ELP5: variants seen among roughly 807,000 people sequenced by gnomAD.
ELP5 encodes elongator acetyltransferase complex subunit 5.
A neutral mutation model predicts 33.4 loss-of-function variants in ELP5; 34 were observed. The ratio of observed to expected loss-of-function variants is 1.02; its 90% CI spans 0.78 to 1.36. The LOEUF (loss-of-function observed/expected upper bound fraction) is 1.36, where lower values mean the gene tolerates loss of function less well. ELP5 is among the 40% of genes most tolerant of loss of function. The pLI, the probability that ELP5 is intolerant of heterozygous loss-of-function variation, is 0.00. For synonymous variants in ELP5, 161 were observed against 146.4 expected (o/e 1.10, Z -0.72); for missense variants, 373 against 371.7 (o/e 1.00, Z -0.03).
chr17:7,258,475 G>A, intron 5 of ELP5, 113 bp from the exon 6 acceptor site: 1 of 992,892 alleles, frequency 1.0e-6, no homozygotes, highest in Non-Finnish European at 1.5e-6. Flanking sequence ...GTTGAGGGCA[G>A]GAGCTGAAAG....
chr17:7,256,714 G>C lies in ELP5; in HGVS notation c.410-143G>C, dbSNP rs1225466806. On this transcript the variant is annotated intron_variant, in intron 4 of 7. Transcript: ENST00000396628. Reference sequence around the variant, plus strand: ...AGGTGTGGGCTGGAGGAGGCTCAGAGCACGGTAGTGAGATTGGCCAAGGGA... The same window carrying C: ...AGGTGTGGGCTGGAGGAGGCTCAGACCACGGTAGTGAGATTGGCCAAGGGA... 3.8e-5 allele frequency: 28 copies of C among 738,880 alleles called. 1 individual carries two copies. The East Asian group carries it at 7.3e-4, about 19-fold the overall frequency. The allele number at this position is 738,880 out of a possible 1,614,324, so 45.8% of individuals were successfully genotyped here.
Position 7,253,462 on chromosome 17 carries a change from T to C in ELP5, c.188+464T>C, listed in dbSNP as rs951450659. Among the ~76,000 whole-genome samples the C allele has an allele frequency of 3.9e-5, 6 of 152,122 alleles. No individual in the cohort carries two copies. In the South Asian group the frequency reaches 6.2e-4, roughly 16 times the overall value. On this transcript the variant is annotated intron_variant, in intron 3 of 7. Coordinates refer to ENST00000396628, the MANE Select transcript of ELP5 (RefSeq NM_203414.3). ...AGTTTAGAACACATGTAAAGGACTT[T>C]AGTGGGTAGAATTTCCAGGATTTAT...
chr17:7,258,504 A>G, intron 5 of ELP5, 84 bp from the exon 6 acceptor site: 2 of 1,308,130 alleles, frequency 1.5e-6, no homozygotes, highest in Non-Finnish European at 2.2e-6. Flanking sequence ...TAAATAGGTG[A>G]TTGGGGGCTG....
chr17:7,259,769 C>A lies in ELP5; in HGVS notation c.*84C>A. ...ACCATCTTTCTATTGTTTGTGTTAG[C>A]CTTACCCTGTCCCTGCCCCACCTTG... On this transcript the variant is annotated 3_prime_UTR_variant, in exon 8 of 8. Transcript: ENST00000396628. 2 of 1,560,180 alleles carry A rather than the reference C, an allele frequency of 1.3e-6. No individual in the cohort carries two copies. Among genetic ancestry groups the A allele is most frequent in the Non-Finnish European group, 8.7e-7 (1 of 1,153,766 alleles).
intron 7 of ELP5, 184 bp from the exon 8 acceptor site, chr17:7,259,387 G>GT: frequency 7.0e-7 from 1 of 1,430,528 alleles, no homozygotes; most frequent in Non-Finnish European, 9.1e-7. Context: ...CAGTACAAGG[G>GT]TATCTATCCC....
In ELP5 at chr17:7,259,677, G is replaced by T; in HGVS notation, c.895G>T (p.Asp299Tyr). The stretch of plus-strand genomic sequence containing the variant: ...CCAAGAAGACCCAGATGACGACCTG[G>T]ATATTTGACTGGCCAGATTTGATTA... ...LDQEDPDDDL[D>Y]I The change falls in exon 8 of 8, where the codon GAT becomes TAT. Residue 299 changes from aspartate to tyrosine, a missense_variant. Transcript: ENST00000396628. The T allele has an allele frequency of 1.2e-6, 2 of 1,614,184 alleles. No homozygotes were observed. Among genetic ancestry groups the T allele is most frequent in the Non-Finnish European group, 1.7e-6 (2 of 1,180,038 alleles).
rs1368604647 is a variant in ELP5 at position 7,258,848 on chromosome 17, C to T, written c.710C>T (p.Thr237Ile). 20 of 1,614,162 alleles carry T rather than the reference C, an allele frequency of 1.2e-5. No homozygotes were observed. The highest frequency in any genetic ancestry group is 1.7e-5 in the Non-Finnish European group (20 of 1,180,034). The change falls in exon 7 of 8, where the codon ACC (threonine) becomes ATC (isoleucine). Residue 237 changes from threonine (T) to isoleucine (I), a missense_variant. Thr to Ile is a moderately conservative substitution (Grantham distance 89). Transcript: ENST00000396628. ...CAGGTGGATCCCACAACTCATTTGA[C>T]CTTTAACCTTCACCTGTCCAAGAAA... ...IPPVDPTTHL[T>I]FNLHLSKKER... is the part of the protein sequence containing the mutation.
chr17:7,258,665 C>G lies in ELP5; in HGVS notation c.669C>G (p.Ser223=). Residue 223 remains serine, a synonymous_variant, in exon 6 of 8, where the codon TCC becomes TCG. Coordinates refer to ENST00000396628, the MANE Select transcript of ELP5 (RefSeq NM_203414.3). The part of the protein sequence containing the change: ...EGPSVESQPY[S]DPHIPPVDPT... Reference sequence around the variant, plus strand: ...CCTCTGTAGAGTCCCAGCCCTACTCCGATCCTCATATACCCCCGGTATCTA... The same window carrying G: ...CCTCTGTAGAGTCCCAGCCCTACTCGGATCCTCATATACCCCCGGTATCTA... 1 of 1,614,090 alleles carries G rather than the reference C, an allele frequency of 6.2e-7. No homozygotes were observed. Among genetic ancestry groups the G allele is most frequent in the Non-Finnish European group, 8.5e-7 (1 of 1,180,028 alleles).
At chr17:7,254,873 C>A in intron 4 of ELP5, 70 bp downstream of exon 4, 3 of 1,389,294 alleles carry the variant, frequency 2.2e-6, no homozygotes, top group Non-Finnish European at 3.1e-6. Context: ...CTTTTCCTTT[C>A]TACCCTAGAA....
chr17:7,252,709 G>A lies in ELP5; in HGVS notation c.47-61G>A, dbSNP rs368006988. On this transcript the variant is annotated intron_variant, in intron 1 of 7. Coordinates refer to ENST00000396628, the MANE Select transcript of ELP5 (RefSeq NM_203414.3). ...ACAGGCTAGGTGTGGAAATCGCGACGGGTTCGCGAAGGCGGTAATCCCAGC... is the reference window on the plus strand; with the variant it reads ...ACAGGCTAGGTGTGGAAATCGCGACAGGTTCGCGAAGGCGGTAATCCCAGC... 6.8e-6 allele frequency: 11 copies of A among 1,611,510 alleles called. No individual in the cohort carries two copies. The African/African-American group carries it at 1.2e-4, about 18-fold the overall frequency.
At position 7,252,369 on chromosome 17, in the gene ELP5, C is replaced by G. The variant is rs190334504; in HGVS notation, c.-182C>G. 3.4e-6 allele frequency: 3 copies of G among 879,568 alleles called. No homozygotes were observed. Among genetic ancestry groups the G allele is most frequent in the African/African-American group, 1.7e-5 (1 of 60,570 alleles). The allele number at this position is 879,568 out of a possible 1,614,324, so 54.5% of individuals were successfully genotyped here. A position where few individuals can be genotyped will look rare whatever the true frequency, so the allele number is the denominator to read the frequency against. ...CTGTGCGCCAGGGCTCGGGGAGGGG[C>G]GCCCTCCGCGTGAGCGCCCCCCTGG... On this transcript the variant is annotated 5_prime_UTR_variant, in exon 1 of 8. Transcript: ENST00000396628.
Position 7,252,421 on chromosome 17 carries a change from TC to T in ELP5, c.-128del. The T allele has an allele frequency of 2.8e-6, 4 of 1,407,218 alleles. No homozygotes were observed. The East Asian group carries it at 7.0e-5, about 25-fold the overall frequency. 87.2% of individuals were successfully genotyped at this position (1,407,218 alleles called of 1,614,324 possible). A position where few individuals can be genotyped will look rare whatever the true frequency, so the allele number is the denominator to read the frequency against. The stretch of plus-strand genomic sequence containing the variant: ...AATATTGAACATAATCACCTCTCAT[TC>T]CAGACTATGTTAGGTCTTAATGGTG... On this transcript the variant is annotated 5_prime_UTR_variant, in exon 1 of 8. Transcript: ENST00000396628.
In ELP5 at chr17:7,259,678, A is replaced by G; in HGVS notation, c.896A>G (p.Asp299Gly). 6.2e-7 allele frequency: 1 copy of G among 1,614,160 alleles called. No homozygotes were observed. Among genetic ancestry groups the G allele is most frequent in the Non-Finnish European group, 8.5e-7 (1 of 1,180,030 alleles). The change falls in exon 8 of 8, where the codon GAT (aspartate) becomes GGT (glycine). Residue 299 changes from aspartate to glycine, a missense_variant. Transcript: ENST00000396628. ...CAAGAAGACCCAGATGACGACCTGG[A>G]TATTTGACTGGCCAGATTTGATTAG... ...LDQEDPDDDLDI is the reference protein window; with the variant it reads ...LDQEDPDDDLGI
chr17:7,257,228 C>T (rs1250334490), intron 5 of ELP5, among the ~76,000 whole-genome samples, 190 bp downstream of exon 5: 10 of 152,160 alleles, frequency 6.6e-5, no homozygotes, highest in South Asian at 6.2e-4. Context: ...ACCTCAGCCT[C>T]CCAAAGTGCT....
Position 7,252,360 on chromosome 17 carries a change from G to A in ELP5, c.-191G>A. 1 of 806,732 alleles carries A rather than the reference G, an allele frequency of 1.2e-6. No homozygotes were observed. The highest frequency in any genetic ancestry group is 2.0e-6 in the Non-Finnish European group (1 of 492,200). 50.0% of individuals were successfully genotyped at this position (806,732 alleles called of 1,614,324 possible). On this transcript the variant is annotated 5_prime_UTR_variant, in exon 1 of 8. Transcript: ENST00000396628. ...TCCGTACGACTGTGCGCCAGGGCTC[G>A]GGGAGGGGCGCCCTCCGCGTGAGCG... is the stretch of plus-strand genomic sequence containing the variant.
intron 4 of ELP5, 40 bp downstream of exon 4, chr17:7,254,843 C>T (rs770407832): frequency 6.4e-7 from 1 of 1,553,194 alleles, no homozygotes; most frequent in East Asian, 2.2e-5. Context: ...ATACATCTCC[C>T]TCTGCCAAGG....
At chr17:7,257,385 T>A (rs2072101239) in intron 5 of ELP5, among the ~76,000 whole-genome samples, 1 of 152,146 alleles carries the variant, frequency 6.6e-6, no homozygotes, top group South Asian at 2.1e-4. Flanking sequence ...TTATCACCAT[T>A]TTTCAGGCTG....
At position 7,254,770 on chromosome 17, in the gene ELP5, C is replaced by T. The variant is rs552586062; in HGVS notation, c.376C>T (p.Leu126=). The T allele has an allele frequency of 1.2e-6, 2 of 1,614,172 alleles. No individual in the cohort carries two copies. The highest frequency in any genetic ancestry group is 1.7e-5 in the Admixed American group (1 of 60,022). ...TCCCTGCACCACACTCTGCCAGGTC[C>T]TGCATGCTGTGAGCCATCAGGACTC... ...RLPCTTLCQV[L]HAVSHQDSCP... Residue 126 remains leucine, a synonymous_variant, in exon 4 of 8, where the codon CTG becomes TTG. Transcript: ENST00000396628.
At chr17:7,258,319 C>T (rs542874003) in intron 5 of ELP5, among the ~76,000 whole-genome samples, 132 of 145,618 alleles carry the variant, frequency 9.1e-4, no homozygotes, top group African/African-American at 3.3e-3. Context: ...TGTGGTAGCA[C>T]GTGCCTGTAA....
Sources: allele counts gnomAD v4.1 joint callset (sites outside exome capture counted in the v4.1 genomes callset), GRCh38; gene constraint gnomAD v4.1.1; transcripts MANE v1.5; gene names NCBI Gene and HGNC (gene_info 2026-07-23, HGNC 2026-07-21).